The following STT3B variants were observed in gnomAD, a reference collection of about 807,000 sequenced individuals.
STT3B encodes STT3 oligosaccharyltransferase complex catalytic subunit B.
A neutral mutation model predicts 96.8 loss-of-function variants in STT3B; 29 were observed. The ratio of observed to expected loss-of-function variants is 0.30; its 90% CI spans 0.22 to 0.41. The LOEUF (loss-of-function observed/expected upper bound fraction) is 0.41, where lower values mean the gene tolerates loss of function less well. STT3B is among the 10% of genes least tolerant of loss of function. STT3B has a pLI of 1.00. For synonymous variants in STT3B, 367 were observed against 360.0 expected (o/e 1.02, Z -0.22); for missense variants, 640 against 1,022.3 (o/e 0.63, Z 5.10).
chr3:31,590,593 CT>C (rs1411333779), intron 3 of STT3B, among the ~76,000 whole-genome samples: 1 of 151,630 alleles, frequency 6.6e-6, no homozygotes, highest in Non-Finnish European at 1.5e-5. Flanking sequence ...TCTTAGCATA[CT>C]TTTTTTTGTT....
intron 1 of STT3B, among the ~76,000 whole-genome samples, chr3:31,571,432 T>A (rs1394506367): frequency 6.6e-6 from 1 of 152,150 alleles, no homozygotes; most frequent in African/African-American, 2.4e-5. Flanking sequence ...TTATAGTGCC[T>A]ACTACATTCA....
intron 1 of STT3B, among the ~76,000 whole-genome samples, chr3:31,570,247 T>G (rs1406232797): frequency 6.6e-6 from 1 of 152,150 alleles, no homozygotes; most frequent in African/African-American, 2.4e-5. Flanking sequence ...AGTAATTAGC[T>G]AAGCAAGCAT....
At chr3:31,546,280 G>A (rs1697411374) in intron 1 of STT3B, among the ~76,000 whole-genome samples, 1 of 147,502 alleles carries the variant, frequency 6.8e-6, no homozygotes, top group Non-Finnish European at 1.5e-5. Flanking sequence ...GTCAGCTGAG[G>A]TGCTGAGATG....
At chr3:31,595,308 T>C (rs903251543) in intron 3 of STT3B, among the ~76,000 whole-genome samples, 1 of 152,156 alleles carries the variant, frequency 6.6e-6, no homozygotes, top group Non-Finnish European at 1.5e-5. Flanking sequence ...TGGATGAAAG[T>C]CCATATATCA....
intron 1 of STT3B, 81 bp from the exon 2 acceptor site, chr3:31,576,315 G>A: frequency 1.7e-6 from 1 of 579,880 alleles, no homozygotes; most frequent in Non-Finnish European, 2.8e-6. Flanking sequence ...ATACATTTAT[G>A]TAGCCACAGA....
rs188345309 is a variant in STT3B at position 31,565,957 on chromosome 3, A to G, written c.315-10439A>G. On this transcript the variant is annotated intron_variant, in intron 1 of 15. Transcript: ENST00000295770. ...ACTACACCAGTGGTTTTTGTTTTAG[A>G]TATTTTAAACATATATAGATATAGA... is the stretch of plus-strand genomic sequence containing the variant. 7.9e-5 allele frequency among the ~76,000 whole-genome samples: 12 copies of G among 152,328 alleles called. No individual in the cohort carries two copies. The East Asian group carries it at 2.3e-3, about 29-fold the overall frequency.
chr3:31,615,224 CCTT>C (rs766523246), intron 6 of STT3B, 21 bp downstream of exon 6: 9 of 1,545,602 alleles, frequency 5.8e-6, no homozygotes, highest in African/African-American at 1.4e-5. Context: ...TATATATTTT[CCTT>C]CTTCTAAAGA....
intron 5 of STT3B, among the ~76,000 whole-genome samples, chr3:31,600,682 C>T (rs1248090373): frequency 6.6e-6 from 1 of 151,584 alleles, no homozygotes; most frequent in Non-Finnish European, 1.5e-5. Context: ...AGAAATTAGT[C>T]TGGGTTTAAT....
chr3:31,533,025 C>T lies in STT3B; in HGVS notation c.27C>T (p.Ser9=), dbSNP rs1403491594. ...TGGCGGAGCCCTCGGCCCCGGAGAG[C>T]AAGCACAAGTCGTCCCTCAACTCGT... MAEPSAPE[S]KHKSSLNSSP... The change falls in exon 1 of 16, where the codon AGC becomes AGT. Residue 9 remains serine, a synonymous_variant. Transcript: ENST00000295770. 3 of 1,589,004 alleles carry T rather than the reference C, an allele frequency of 1.9e-6. No individual in the cohort carries two copies. The highest frequency in any genetic ancestry group is 2.6e-6 in the Non-Finnish European group (3 of 1,169,120).
At chr3:31,534,904 C>G (rs948366352) in intron 1 of STT3B, among the ~76,000 whole-genome samples, 1 of 152,106 alleles carries the variant, frequency 6.6e-6, no homozygotes, top group African/African-American at 2.4e-5. Flanking sequence ...CCTGTGAAGG[C>G]TTATTGACAC....
At position 31,629,306 on chromosome 3, in the gene STT3B, C is replaced by T; in HGVS notation, c.2082C>T (p.Asp694=). ...GEHPKDIRES[D]YFTPQGEFRV... is the part of the protein sequence containing the mutation. The stretch of plus-strand genomic sequence containing the variant: ...TGGTTTCTTTCTTGTAGGAAAGTGA[C>T]TATTTTACCCCACAGGGAGAATTCC... Residue 694 remains aspartate, a synonymous_variant, in exon 14 of 16, where the codon GAC becomes GAT. Transcript: ENST00000295770. 1 of 1,591,426 alleles carries T rather than the reference C, an allele frequency of 6.3e-7. No homozygotes were observed. The highest frequency in any genetic ancestry group is 8.6e-7 in the Non-Finnish European group (1 of 1,162,638).
chr3:31,611,922 A>G (rs1699189147), intron 5 of STT3B, among the ~76,000 whole-genome samples: 1 of 152,192 alleles, frequency 6.6e-6, no homozygotes, highest in African/African-American at 2.4e-5. Context: ...AGATATAGCA[A>G]TATATGTGTA....
At chr3:31,537,404 T>G (rs1050969600) in intron 1 of STT3B, among the ~76,000 whole-genome samples, 1 of 152,222 alleles carries the variant, frequency 6.6e-6, no homozygotes, top group African/African-American at 2.4e-5. Flanking sequence ...CTTTGTGGGA[T>G]CATTAGCATC....
intron 3 of STT3B, among the ~76,000 whole-genome samples, chr3:31,595,278 G>A (rs550423814): frequency 6.6e-6 from 1 of 152,178 alleles, no homozygotes; most frequent in Non-Finnish European, 1.5e-5. Flanking sequence ...GTAACAAGGG[G>A]AGTTAAGAGC....
chr3:31,608,393 G>T (rs1317360642), intron 5 of STT3B, among the ~76,000 whole-genome samples: 1 of 150,784 alleles, frequency 6.6e-6, no homozygotes, highest in Non-Finnish European at 1.5e-5. Context: ...TTTGCCAGTG[G>T]ATATTTTAGA....
Position 31,532,978 on chromosome 3 carries a change from G to A in STT3B, c.-21G>A, listed in dbSNP as rs772786328. ...CGGCGGCGGCGGAGGAGGAGAGCTA[G>A]ACCCGCCGCCGGGGCACAACATGGC... is the stretch of plus-strand genomic sequence containing the variant. On this transcript the variant is annotated 5_prime_UTR_variant, in exon 1 of 16. Transcript: ENST00000295770. 1 of 1,579,312 alleles carries A rather than the reference G, an allele frequency of 6.3e-7. No individual in the cohort carries two copies. The highest frequency in any genetic ancestry group is 1.1e-5 in the South Asian group (1 of 88,508).
At position 31,637,563 on chromosome 3, in the gene STT3B, T is replaced by G. The variant is rs149106348; in HGVS notation, c.*1499T>G. On this transcript the variant is annotated 3_prime_UTR_variant, in exon 16 of 16. Coordinates refer to ENST00000295770, the MANE Select transcript of STT3B (RefSeq NM_178862.3). Reference sequence around the variant, plus strand: ...TTTATTTTACTTTGTTGCTTTAAAATTCAATGCAGAGAAGTTGTTGACTGT... The same window carrying G: ...TTTATTTTACTTTGTTGCTTTAAAAGTCAATGCAGAGAAGTTGTTGACTGT... 7.9e-5 allele frequency: 12 copies of G among 152,322 alleles called. No individual in the cohort carries two copies. In the East Asian group the frequency reaches 2.1e-3, roughly 27 times the overall value. 9.4% of individuals were successfully genotyped at this position (152,322 alleles called of 1,614,324 possible).
intron 3 of STT3B, among the ~76,000 whole-genome samples, chr3:31,595,434 A>C (rs1698765337): frequency 6.6e-6 from 1 of 151,738 alleles, no homozygotes; most frequent in African/African-American, 2.4e-5. Flanking sequence ...TTCGTTATTG[A>C]TCCCTCTCTC....
chr3:31,586,068 T>C (rs748235233), intron 3 of STT3B, among the ~76,000 whole-genome samples: 2 of 152,076 alleles, frequency 1.3e-5, no homozygotes, highest in Non-Finnish European at 2.9e-5. Context: ...TTGCATTCCC[T>C]CCACAAATAC....
Sources: allele counts gnomAD v4.1 joint callset (sites outside exome capture counted in the v4.1 genomes callset), GRCh38; gene constraint gnomAD v4.1.1; transcripts MANE v1.5; gene names NCBI Gene and HGNC (gene_info 2026-07-23, HGNC 2026-07-21).